AKAP19: variants seen among roughly 807,000 people sequenced by gnomAD.
AKAP19 encodes the protein small A-kinase anchoring protein.
At chr2:190,017,968 T>C in the AKAP19 span, among the ~76,000 whole-genome samples, 1 of 152,198 alleles carries the variant, frequency 6.6e-6, no homozygotes, top group Non-Finnish European at 1.5e-5. Flanking sequence ...CTTTGTATCA[T>C]CCTGCTCTCT....
chr2:189,983,148 A>G, the AKAP19 span, among the ~76,000 whole-genome samples: 77 of 152,320 alleles, frequency 5.1e-4, no homozygotes, highest in Middle Eastern at 6.8e-3. Flanking sequence ...CTGAGCCAGC[A>G]GGAACCTAAT....
the AKAP19 span, among the ~76,000 whole-genome samples, chr2:189,928,771 T>A: frequency 1.3e-5 from 2 of 152,136 alleles, no homozygotes; most frequent in African/African-American, 2.4e-5. Context: ...CATGACACTG[T>A]GTTTTGCATG....
chr2:190,193,409 C>A, the AKAP19 span, among the ~76,000 whole-genome samples: 2 of 152,064 alleles, frequency 1.3e-5, no homozygotes, highest in African/African-American at 2.4e-5. Flanking sequence ...TAATACTGGC[C>A]TCATATAGAA....
chr2:190,170,117 G>A, the AKAP19 span, among the ~76,000 whole-genome samples: 28,224 of 152,174 alleles, frequency 0.19, 2,714 homozygotes, highest in African/African-American at 0.21. Flanking sequence ...CAGCACAATT[G>A]GGTTCTGGTG....
At chr2:190,175,870 T>C in the AKAP19 span, among the ~76,000 whole-genome samples, 3 of 152,234 alleles carry the variant, frequency 2.0e-5, no homozygotes, top group African/African-American at 7.2e-5. Context: ...GATTAAGAGG[T>C]AGGGCCTTTA....
the AKAP19 span, among the ~76,000 whole-genome samples, chr2:190,193,284 G>C: frequency 3.3e-5 from 5 of 151,672 alleles, no homozygotes; most frequent in South Asian, 2.1e-4. Flanking sequence ...TTGAATTTCT[G>C]GTATAAATCC....
chr2:189,962,211 A>G, the AKAP19 span, among the ~76,000 whole-genome samples: 1 of 152,210 alleles, frequency 6.6e-6, no homozygotes, highest in Admixed American at 6.5e-5. Context: ...AACTGCCTAC[A>G]GTATTAAGTA....
the AKAP19 span, among the ~76,000 whole-genome samples, chr2:190,002,492 T>C: frequency 6.6e-6 from 1 of 151,970 alleles, no homozygotes; most frequent in Non-Finnish European, 1.5e-5. Context: ...TGTATACATA[T>C]GTAACAAACC....
the AKAP19 span, among the ~76,000 whole-genome samples, chr2:190,085,216 C>T: frequency 6.6e-6 from 1 of 152,088 alleles, no homozygotes; most frequent in African/African-American, 2.4e-5. Context: ...TATATTTTAC[C>T]ATAGGAACAA....
chr2:189,962,432 A>T, the AKAP19 span, among the ~76,000 whole-genome samples: 1 of 152,212 alleles, frequency 6.6e-6, no homozygotes, highest in Non-Finnish European at 1.5e-5. Flanking sequence ...GAAACACTAA[A>T]GGCTAGAATT....
the AKAP19 span, among the ~76,000 whole-genome samples, chr2:190,038,132 C>T: frequency 6.6e-6 from 1 of 152,128 alleles, no homozygotes; most frequent in Non-Finnish European, 1.5e-5. Flanking sequence ...TAGCTGGGCT[C>T]CCTGTTGACT....
At chr2:190,010,470 C>G in the AKAP19 span, among the ~76,000 whole-genome samples, 1 of 152,174 alleles carries the variant, frequency 6.6e-6, no homozygotes, top group South Asian at 2.1e-4. Context: ...GAGCAACATT[C>G]AGGGTAAAAT....
chr2:190,030,708 A>G, the AKAP19 span, among the ~76,000 whole-genome samples: 2 of 152,216 alleles, frequency 1.3e-5, no homozygotes, highest in Admixed American at 6.5e-5. Context: ...TAACATCTGG[A>G]TCATCACAAT....
the AKAP19 span, among the ~76,000 whole-genome samples, chr2:190,131,245 C>T: frequency 2.6e-5 from 4 of 152,138 alleles, no homozygotes; most frequent in Non-Finnish European, 5.9e-5. Flanking sequence ...GGAATGATCA[C>T]CAGAAAGACT....
At chr2:189,912,269 G>A in the AKAP19 span, among the ~76,000 whole-genome samples, 6 of 151,988 alleles carry the variant, frequency 3.9e-5, 1 homozygote, top group African/African-American at 1.2e-4. Context: ...GGCTGGGTGC[G>A]ATGGCTCACA....
At chr2:189,973,998 T>C in the AKAP19 span, among the ~76,000 whole-genome samples, 1 of 152,206 alleles carries the variant, frequency 6.6e-6, no homozygotes, top group Non-Finnish European at 1.5e-5. Context: ...GCTCTGATCT[T>C]AGTTATTTCT....
chr2:189,997,879 C>T, the AKAP19 span, among the ~76,000 whole-genome samples: 4 of 152,136 alleles, frequency 2.6e-5, no homozygotes, highest in African/African-American at 9.7e-5. Flanking sequence ...ACCCTGCATA[C>T]CTCCCAAATT....
the AKAP19 span, among the ~76,000 whole-genome samples, chr2:190,145,520 T>C: frequency 2.6e-4 from 40 of 152,334 alleles, no homozygotes; most frequent in African/African-American, 9.4e-4. Flanking sequence ...ACCGACTGCA[T>C]ATACTATGGC....
At chr2:190,128,865 C>A in the AKAP19 span, among the ~76,000 whole-genome samples, 1 of 152,190 alleles carries the variant, frequency 6.6e-6, no homozygotes, top group Admixed American at 6.5e-5. Flanking sequence ...TGCATATCCC[C>A]CTTAAGGGGA....
Sources: allele counts gnomAD v4.1 joint callset (sites outside exome capture counted in the v4.1 genomes callset), GRCh38; gene constraint gnomAD v4.1.1; transcripts MANE v1.5; gene names NCBI Gene and HGNC (gene_info 2026-07-23, HGNC 2026-07-21).